Variants in COL5A2 observed in about 807,000 individuals in gnomAD.
The protein encoded by COL5A2 is collagen alpha-2(V) chain.
COL5A2 carries 23 observed loss-of-function variants against 208.2 expected under a neutral mutation model. That is an observed-to-expected ratio of 0.11 (90% CI 0.08 to 0.16). The LOEUF (loss-of-function observed/expected upper bound fraction) is 0.16. COL5A2 is among the 10% of genes least tolerant of loss of function. The pLI is 1.00. For synonymous variants in COL5A2, 625 were observed against 628.5 expected (o/e 0.99, Z 0.08); for missense variants, 1,590 against 1,956.4 (o/e 0.81, Z 3.53).
At chr2:189,303,699 A>T in the COL5A2 span, among the ~76,000 whole-genome samples, 1 of 152,326 alleles carries the variant, frequency 6.6e-6, no homozygotes, top group African/African-American at 2.4e-5. Flanking sequence ...CCAGCAGCAC[A>T]CTTCAACCAC....
At chr2:189,067,804 A>G (rs1249195717) in intron 21 of COL5A2, among the ~76,000 whole-genome samples, 2 of 152,216 alleles carry the variant, frequency 1.3e-5, no homozygotes, top group Non-Finnish European at 2.9e-5. Flanking sequence ...AAGAACACTA[A>G]AATTTAACAT....
chr2:189,373,931 TA>T, the COL5A2 span, among the ~76,000 whole-genome samples: 98 of 152,312 alleles, frequency 6.4e-4, 1 homozygote, highest in Non-Finnish European at 1.3e-3. Context: ...TTCACGTACC[TA>T]TTTTGAACTA....
chr2:189,192,858 G>A (rs1027827679), intron 1 of COL5A2, among the ~76,000 whole-genome samples: 9 of 152,232 alleles, frequency 5.9e-5, no homozygotes, highest in African/African-American at 1.2e-4. Context: ...ATGAATTAAT[G>A]TCTTTATCTC....
chr2:189,267,789 T>C, the COL5A2 span, among the ~76,000 whole-genome samples: 9 of 152,136 alleles, frequency 5.9e-5, no homozygotes, highest in Non-Finnish European at 2.9e-5. Context: ...CAAACATAAA[T>C]GGTTTACTAA....
chr2:189,086,413 A>T (rs1686663829), intron 9 of COL5A2, among the ~76,000 whole-genome samples: 1 of 152,216 alleles, frequency 6.6e-6, no homozygotes, highest in African/African-American at 2.4e-5. Context: ...GAGTTGGCAT[A>T]TAACCAATTG....
At chr2:189,077,156 G>C (rs1252424487) in intron 16 of COL5A2, among the ~76,000 whole-genome samples, 1 of 152,128 alleles carries the variant, frequency 6.6e-6, no homozygotes, top group African/African-American at 2.4e-5. Context: ...CCCATTAATA[G>C]TTGGTAGTTC....
the COL5A2 span, among the ~76,000 whole-genome samples, chr2:189,344,142 A>G: frequency 6.6e-4 from 101 of 152,196 alleles, no homozygotes; most frequent in Non-Finnish European, 1.2e-3. Flanking sequence ...CAAAGATCCA[A>G]TAGCTTTTAT....
the COL5A2 span, chr2:189,311,680 A>C: frequency 4.0e-6 from 3 of 755,320 alleles, no homozygotes; most frequent in Non-Finnish European, 7.1e-6. Flanking sequence ...TCATCTCAGC[A>C]GCTCCAACCT....
chr2:189,063,390 C>T (rs1432579186), intron 26 of COL5A2, 120 bp from the exon 27 acceptor site: 1 of 849,584 alleles, frequency 1.2e-6, no homozygotes, highest in Non-Finnish European at 1.9e-6. Flanking sequence ...CTTGCATTTT[C>T]ATGTTAAAGA....
intron 4 of COL5A2, among the ~76,000 whole-genome samples, chr2:189,099,872 T>C (rs1473462484): frequency 2.0e-5 from 3 of 152,204 alleles, no homozygotes; most frequent in African/African-American, 7.2e-5. Context: ...TATTTAACTT[T>C]TTAAAACAAT....
intron 1 of COL5A2, among the ~76,000 whole-genome samples, chr2:189,142,501 T>C (rs1041826995): frequency 6.6e-6 from 1 of 152,100 alleles, no homozygotes; most frequent in African/African-American, 2.4e-5. Flanking sequence ...CAATAAATGG[T>C]AGCCTCAAAG....
chr2:189,139,942 G>A (rs1020921844), intron 1 of COL5A2, among the ~76,000 whole-genome samples: 17 of 151,798 alleles, frequency 1.1e-4, no homozygotes, highest in Non-Finnish European at 1.5e-4. Flanking sequence ...GCATGGTGGC[G>A]CGCACCTGTA....
the COL5A2 span, among the ~76,000 whole-genome samples, chr2:189,337,629 T>A: frequency 9.2e-5 from 14 of 152,204 alleles, no homozygotes; most frequent in African/African-American, 3.4e-4. Context: ...ATCATGATTT[T>A]TATCTATTTT....
intron 12 of COL5A2, 45 bp downstream of exon 12, chr2:189,083,939 T>C: frequency 7.3e-7 from 1 of 1,377,798 alleles, no homozygotes; most frequent in East Asian, 2.3e-5. Flanking sequence ...TAATTCAATG[T>C]TCTTTATTTT....
At chr2:189,167,431 A>AT (rs1421208055) in intron 1 of COL5A2, among the ~76,000 whole-genome samples, 4 of 152,086 alleles carry the variant, frequency 2.6e-5, no homozygotes, top group Non-Finnish European at 5.9e-5. Flanking sequence ...CCCCCACTCC[A>AT]TTTTTTAAAA....
chr2:189,151,025 T>A (rs1395639783), intron 1 of COL5A2, among the ~76,000 whole-genome samples: 1 of 152,176 alleles, frequency 6.6e-6, no homozygotes, highest in Non-Finnish European at 1.5e-5. Context: ...TGTAACGTAA[T>A]TTGATGAAAA....
chr2:189,398,944 TA>T, the COL5A2 span, among the ~76,000 whole-genome samples: 1 of 152,210 alleles, frequency 6.6e-6, no homozygotes, highest in Non-Finnish European at 1.5e-5. Flanking sequence ...ATAGTATTTT[TA>T]CCATTTCTTA....
chr2:189,204,056 C>G (rs1689113039), intron 1 of COL5A2, among the ~76,000 whole-genome samples: 1 of 152,096 alleles, frequency 6.6e-6, no homozygotes, highest in African/African-American at 2.4e-5. Context: ...CGCCACCACG[C>G]CCGGCTAATT....
At chr2:189,241,516 A>AC in the COL5A2 span, among the ~76,000 whole-genome samples, 1 of 152,096 alleles carries the variant, frequency 6.6e-6, no homozygotes, top group Non-Finnish European at 1.5e-5. Context: ...ACGTATTGAG[A>AC]CCCCATCTCT....
Sources: allele counts gnomAD v4.1 joint callset (sites outside exome capture counted in the v4.1 genomes callset), GRCh38; gene constraint gnomAD v4.1.1; transcripts MANE v1.5; gene names NCBI Gene and HGNC (gene_info 2026-07-23, HGNC 2026-07-21).